Variants in ROBO1 observed in about 807,000 individuals in gnomAD.
ROBO1 encodes roundabout guidance receptor 1.
In ROBO1, 149 loss-of-function variants were observed where a neutral mutation model predicts 195.9. That is an observed-to-expected ratio of 0.76 (90% CI 0.67 to 0.87). The LOEUF is 0.87. Ranked by LOEUF, ROBO1 falls within the 40% of genes least tolerant of loss-of-function variation. The pLI, the probability that ROBO1 is intolerant of heterozygous loss-of-function variation, is 0.00. For missense variants in ROBO1, 1,933 were observed against 2,068.3 expected, an observed-to-expected ratio of 0.93 and a Z score of 1.27; for synonymous variants, 816 against 733.2, an observed-to-expected ratio of 1.11 and a Z score of -1.82.
At chr3:79,155,756 G>T (rs982334832) in intron 2 of ROBO1, among the ~76,000 whole-genome samples, 1 of 151,722 alleles carries the variant, frequency 6.6e-6, no homozygotes, top group Non-Finnish European at 1.5e-5. Flanking sequence ...TGCACAACTG[G>T]AAAGTGATAG....
intron 2 of ROBO1, among the ~76,000 whole-genome samples, chr3:79,444,982 TGAA>T (rs2039190377): frequency 1.3e-5 from 2 of 151,856 alleles, no homozygotes; most frequent in African/African-American, 4.8e-5. Context: ...CAGGGATGAA[TGAA>T]GAAGATGTTA....
At chr3:78,851,367 CT>C (rs2034053669) in intron 4 of ROBO1, among the ~76,000 whole-genome samples, 2 of 152,156 alleles carry the variant, frequency 1.3e-5, no homozygotes, top group Non-Finnish European at 2.9e-5. Context: ...GCACATGCTT[CT>C]TAGTTTACGT....
At position 79,457,369 on chromosome 3, in the gene ROBO1, A is replaced by G. The variant is rs2039649803; in HGVS notation, c.88+132455T>C. On this transcript the variant is annotated intron_variant, in intron 2 of 30. Coordinates refer to ENST00000464233, the MANE Select transcript of ROBO1 (RefSeq NM_002941.4). ...TGTATGAGGGGTACTCTAAGATAAG[A>G]TGAATGAAACACTGTGTGTGTGTGT... Among the ~76,000 whole-genome samples, 12 of 152,118 alleles carry G rather than the reference A, an allele frequency of 7.9e-5. No individual in the cohort carries two copies. In the South Asian group the frequency reaches 2.5e-3, roughly 32 times the overall value.
intron 1 of ROBO1, among the ~76,000 whole-genome samples, chr3:79,595,094 C>CAT (rs1291836453): frequency 1.3e-5 from 2 of 151,788 alleles, no homozygotes; most frequent in Admixed American, 6.6e-5. Flanking sequence ...ATGTTCTATA[C>CAT]ATATATATAA....
intron 2 of ROBO1, among the ~76,000 whole-genome samples, chr3:79,299,794 T>C (rs1398226354): frequency 6.6e-6 from 1 of 151,084 alleles, no homozygotes; most frequent in Non-Finnish European, 1.5e-5. Flanking sequence ...TGTAGTTAAT[T>C]AACCAAGGAA....
chr3:78,960,039 C>T (rs1253949792), intron 3 of ROBO1, among the ~76,000 whole-genome samples: 1 of 151,980 alleles, frequency 6.6e-6, no homozygotes, highest in Non-Finnish European at 1.5e-5. Context: ...AACAGCGGTG[C>T]CTGTGGTCCC....
intron 2 of ROBO1, among the ~76,000 whole-genome samples, chr3:79,492,115 G>A (rs746673398): frequency 1.7e-4 from 26 of 152,056 alleles, no homozygotes; most frequent in Non-Finnish European, 3.5e-4. Flanking sequence ...GAATTAGGAC[G>A]TAGTTTTGCA....
At chr3:78,912,571 C>A (rs1230747216) in intron 4 of ROBO1, among the ~76,000 whole-genome samples, 1 of 152,126 alleles carries the variant, frequency 6.6e-6, no homozygotes, top group African/African-American at 2.4e-5. Context: ...GGTGTTAAAG[C>A]TGAGTCTCAG....
chr3:78,711,444 C>A (rs9814181), intron 8 of ROBO1, among the ~76,000 whole-genome samples: 1 of 61,730 alleles, frequency 1.6e-5, no homozygotes, highest in Non-Finnish European at 3.3e-5. Context: ...TCTTTCTTTC[C>A]TTCCTTCCTT....
At chr3:78,934,840 A>G (rs928630582) in intron 4 of ROBO1, among the ~76,000 whole-genome samples, 34 of 151,918 alleles carry the variant, frequency 2.2e-4, no homozygotes, top group South Asian at 4.1e-4. Context: ...ATAATAACAT[A>G]TTCTATTTCC....
intron 3 of ROBO1, among the ~76,000 whole-genome samples, chr3:78,996,622 C>T (rs2077372969): frequency 1.3e-5 from 2 of 152,014 alleles, no homozygotes; most frequent in South Asian, 4.1e-4. Context: ...ATTGATAAAA[C>T]CCATTTTCAA....
intron 4 of ROBO1, among the ~76,000 whole-genome samples, chr3:78,934,464 A>G (rs2107662953): frequency 6.6e-6 from 1 of 152,152 alleles, no homozygotes; most frequent in African/African-American, 2.4e-5. Context: ...ACAAAAGTAA[A>G]GGAAACAAGG....
At chr3:79,688,020 C>G (rs1226673068) in intron 1 of ROBO1, among the ~76,000 whole-genome samples, 8 of 151,972 alleles carry the variant, frequency 5.3e-5, no homozygotes, top group African/African-American at 1.7e-4. Context: ...CACATATACA[C>G]CATGGAATCT....
At chr3:78,808,045 T>A (rs1223609370) in intron 4 of ROBO1, among the ~76,000 whole-genome samples, 1 of 152,146 alleles carries the variant, frequency 6.6e-6, no homozygotes, top group Non-Finnish European at 1.5e-5. Flanking sequence ...GAGACTTTTA[T>A]GAGAGTTAAG....
chr3:78,638,002 T>G (rs1313377860), intron 22 of ROBO1, among the ~76,000 whole-genome samples: 1 of 151,228 alleles, frequency 6.6e-6, no homozygotes. Context: ...GGAGGGGTTG[T>G]TTGGTAAGAA....
intron 4 of ROBO1, among the ~76,000 whole-genome samples, chr3:78,822,301 A>G (rs779948178): frequency 6.6e-6 from 1 of 152,120 alleles, no homozygotes; most frequent in Non-Finnish European, 1.5e-5. Context: ...ATCATCCACT[A>G]CAACATCCTT....
At chr3:79,706,100 C>T (rs1359753573) in intron 1 of ROBO1, among the ~76,000 whole-genome samples, 1 of 151,988 alleles carries the variant, frequency 6.6e-6, no homozygotes, top group Non-Finnish European at 1.5e-5. Flanking sequence ...ACATGTCTGT[C>T]ATCTGTTGTA....
intron 4 of ROBO1, among the ~76,000 whole-genome samples, chr3:78,800,333 T>C (rs2084326974): frequency 6.6e-6 from 1 of 152,186 alleles, no homozygotes; most frequent in African/African-American, 2.4e-5. Flanking sequence ...TTCTGATCCC[T>C]TATTAAATTC....
chr3:78,954,414 T>C (rs1473447774), intron 3 of ROBO1, among the ~76,000 whole-genome samples: 1 of 152,086 alleles, frequency 6.6e-6, no homozygotes, highest in African/African-American at 2.4e-5. Context: ...AGCCAGAGTA[T>C]AGATTGTTTG....
Sources: gnomAD v4.1 joint callset for allele counts (sites outside exome capture counted in the v4.1 genomes callset) on GRCh38, gnomAD v4.1.1 for gene constraint, MANE v1.5 for transcripts, NCBI Gene and HGNC (gene_info 2026-07-23, HGNC 2026-07-21) for gene names.